The following IKBKB variants were observed in gnomAD, a reference collection of about 807,000 sequenced individuals.
IKBKB encodes the protein inhibitor of nuclear factor kappa B kinase subunit beta, also known as inhibitor of nuclear factor kappa-B kinase subunit beta.
Under a neutral mutation model 113.6 loss-of-function variants are expected in IKBKB, and 42 were observed. That is an observed-to-expected ratio of 0.37 (90% CI 0.29 to 0.48). IKBKB has a LOEUF of 0.48. IKBKB is among the 20% of genes least tolerant of loss of function. The pLI, the probability that IKBKB is intolerant of heterozygous loss-of-function variation, is 0.99. For synonymous variants in IKBKB, 296 were observed against 361.3 expected (o/e 0.82, Z 2.05); for missense variants, 673 against 939.7 (o/e 0.72, Z 3.71).
chr8:42,322,438 G>A lies in IKBKB; in HGVS notation c.1930G>A (p.Val644Ile), dbSNP rs764317881. Reference protein sequence around the residue: ...SLMNEDEKTVVRLQEKRQKEL... With the variant: ...SLMNEDEKTVIRLQEKRQKEL... Reference sequence around the variant, plus strand: ...AATGAATGAGGATGAGAAGACTGTTGTCCGGCTGCAGGAGAAGCGGCAGAA... The same window carrying A: ...AATGAATGAGGATGAGAAGACTGTTATCCGGCTGCAGGAGAAGCGGCAGAA... Residue 644 changes from valine (V) to isoleucine (I), a missense_variant, in exon 19 of 22, where the codon GTC becomes ATC. Val to Ile is a conservative substitution (Grantham distance 29). Coordinates refer to ENST00000520810, the MANE Select transcript of IKBKB (RefSeq NM_001556.3). 1.9e-6 allele frequency: 3 copies of A among 1,614,036 alleles called. No homozygotes were observed. The Admixed American group carries it at 5.0e-5, about 27-fold the overall frequency.
intron 4 of IKBKB, among the ~76,000 whole-genome samples, chr8:42,291,335 C>G (rs1227683896): frequency 6.6e-6 from 1 of 152,132 alleles, no homozygotes; most frequent in African/African-American, 2.4e-5. Context: ...GCGCCCGCCC[C>G]CACGCCTGGC....
In IKBKB at chr8:42,308,942, C is replaced by A; in HGVS notation, c.609C>A (p.Val203=). The A allele has an allele frequency of 6.2e-7, 1 of 1,614,104 alleles. No homozygotes were observed. The highest frequency in any genetic ancestry group is 8.5e-7 in the Non-Finnish European group (1 of 1,179,954). The part of the protein sequence containing the change: ...LLEQQKYTVT[V]DYWSFGTLAF... ...AGCAGCAGAAGTACACAGTGACCGT[C>A]GACTACTGGAGCTTCGGCACCCTGG... The change falls in exon 8 of 22, where the codon GTC becomes GTA. Residue 203 remains valine, a synonymous_variant. Transcript: ENST00000520810.
chr8:42,323,239 T>G (rs1233172662), intron 19 of IKBKB, among the ~76,000 whole-genome samples: 1 of 152,244 alleles, frequency 6.6e-6, no homozygotes, highest in African/African-American at 2.4e-5. Context: ...CTCCAGGAGT[T>G]GGGATGTGGG....
Position 42,318,734 on chromosome 8 carries a change from G to C in IKBKB, c.1364+59G>C, listed in dbSNP as rs2272735. Reference sequence around the variant, plus strand: ...TATTTAAAATTCCTTGGTGGCTTTGGCCACAGGGAGGTGGTTGAGGCAGGG... The same window carrying C: ...TATTTAAAATTCCTTGGTGGCTTTGCCCACAGGGAGGTGGTTGAGGCAGGG... On this transcript the variant is annotated intron_variant, in intron 13 of 21. Transcript: ENST00000520810. 14 of 1,504,602 alleles carry C rather than the reference G, an allele frequency of 9.3e-6. No individual in the cohort carries two copies. The East Asian group carries it at 3.4e-4, about 36-fold the overall frequency. 93.2% of individuals were successfully genotyped at this position (1,504,602 alleles called of 1,614,324 possible).
chr8:42,311,289 G>A (rs968286938), intron 8 of IKBKB, among the ~76,000 whole-genome samples: 2 of 152,152 alleles, frequency 1.3e-5, no homozygotes, highest in South Asian at 2.1e-4. Context: ...TGGGCCAGGC[G>A]TGGTGGCTCA....
intron 5 of IKBKB, among the ~76,000 whole-genome samples, chr8:42,303,148 GAGAGAGAGAAT>G (rs1815763976): frequency 8.0e-6 from 1 of 125,388 alleles, no homozygotes; most frequent in Non-Finnish European, 1.9e-5. Context: ...GAGAGAGAAT[GAGAGAGAGAAT>G]GAGAGAGAAA....
rs1332380881 is a variant in IKBKB, at chr8:42,318,662, C to G, written c.1351C>G (p.Gln451Glu). 2 of 1,612,776 alleles carry G rather than the reference C, an allele frequency of 1.2e-6. No individual in the cohort carries two copies. The highest frequency in any genetic ancestry group is 4.5e-5 in the East Asian group (2 of 44,854). The change falls in exon 13 of 22, where the codon CAG (glutamine) becomes GAG (glutamate). Residue 451 changes from glutamine (Q) to glutamate (E), a missense_variant. Coordinates refer to ENST00000520810, the MANE Select transcript of IKBKB (RefSeq NM_001556.3). ...AGATTGCAACCGGCTGCAGCAGGGA[C>G]AGCGAGCCGCCATGTAGCGTGCCAG... Reference protein sequence around the residue: ...KEDCNRLQQGQRAAMMNLLRN... With the variant: ...KEDCNRLQQGERAAMMNLLRN...
intron 1 of IKBKB, 199 bp from the exon 2 acceptor site, chr8:42,271,884 G>T (rs1585483528): frequency 1.7e-6 from 1 of 595,534 alleles, no homozygotes; most frequent in Non-Finnish European, 2.9e-6. Flanking sequence ...GCAACCGGAT[G>T]GGGGAGGGTG....
chr8:42,293,783 T>C (rs1315621545), intron 5 of IKBKB, among the ~76,000 whole-genome samples: 1 of 152,198 alleles, frequency 6.6e-6, no homozygotes, highest in Non-Finnish European at 1.5e-5. Context: ...CCTTTCCCAT[T>C]ATAAAGCTCC....
intron 2 of IKBKB, among the ~76,000 whole-genome samples, chr8:42,278,129 G>A (rs533238760): frequency 1.5e-4 from 23 of 152,170 alleles, no homozygotes; most frequent in African/African-American, 5.1e-4. Context: ...TTGAACTGAG[G>A]CCCTAGTAGA....
intron 5 of IKBKB, among the ~76,000 whole-genome samples, chr8:42,303,675 T>G (rs1432090484): frequency 1.3e-5 from 2 of 152,076 alleles, no homozygotes; most frequent in Non-Finnish European, 2.9e-5. Context: ...CAGCTAATTT[T>G]TTTGTATTTT....
intron 8 of IKBKB, among the ~76,000 whole-genome samples, chr8:42,312,415 G>C (rs959291043): frequency 2.6e-5 from 4 of 152,180 alleles, no homozygotes; most frequent in African/African-American, 9.7e-5. Context: ...GTTTCAAGTA[G>C]ATTTCTCTGA....
At chr8:42,275,032 A>G (rs945848487) in intron 2 of IKBKB, among the ~76,000 whole-genome samples, 8 of 150,968 alleles carry the variant, frequency 5.3e-5, no homozygotes, top group African/African-American at 1.7e-4. Flanking sequence ...GTGCACCACC[A>G]CGCCTGGCTA....
At chr8:42,289,019 A>G (rs1203477379) in intron 3 of IKBKB, among the ~76,000 whole-genome samples, 1 of 151,992 alleles carries the variant, frequency 6.6e-6, no homozygotes, top group Non-Finnish European at 1.5e-5. Context: ...CTCTGCTGGG[A>G]TTACTCCAAT....
Position 42,316,490 on chromosome 8 carries a change from C to A in IKBKB, c.930+151C>A. ...TCTTTCTGCATAAGTAAAGAAAGGA[C>A]AGTTGTGCTAATTGACATTGGCTAT... On this transcript the variant is annotated intron_variant, in intron 10 of 21. Coordinates refer to ENST00000520810, the MANE Select transcript of IKBKB (RefSeq NM_001556.3). This position sits in a 1 kb window ranked among gnomAD's most constrained non-coding sequence, Gnocchi z 4.5. The A allele has an allele frequency of 2.0e-6, 2 of 1,021,958 alleles. No homozygotes were observed. The highest frequency in any genetic ancestry group is 1.7e-5 in the South Asian group (1 of 60,036). The allele number at this position is 1,021,958 out of a possible 1,614,324, so 63.3% of individuals were successfully genotyped here. A position where few individuals can be genotyped will look rare whatever the true frequency, so the allele number is the denominator to read the frequency against.
Position 42,284,156 on chromosome 8 carries a change from A to C in IKBKB, c.106-4478A>C, listed in dbSNP as rs112080257. Among the ~76,000 whole-genome samples the C allele has an allele frequency of 4.4e-4, 67 of 152,338 alleles. 2 individuals carry two copies. Among genetic ancestry groups the C allele is most frequent in the African/African-American group, 1.4e-3 (60 of 41,574 alleles). ...TTTATTTCTCATAGTCCTAGAGGCT[A>C]TGAAGTCCAAGGTCAAGGCATCATC... On this transcript the variant is annotated intron_variant, in intron 2 of 21. Coordinates refer to ENST00000520810, the MANE Select transcript of IKBKB (RefSeq NM_001556.3).
At chr8:42,274,117 G>A (rs1368944802) in intron 2 of IKBKB, among the ~76,000 whole-genome samples, 4 of 151,602 alleles carry the variant, frequency 2.6e-5, no homozygotes, top group Non-Finnish European at 4.4e-5. Flanking sequence ...TGCAACCTCC[G>A]CCTCTTGAGT....
intron 2 of IKBKB, among the ~76,000 whole-genome samples, chr8:42,274,941 A>G (rs879634863): frequency 9.9e-5 from 15 of 151,764 alleles, no homozygotes; most frequent in Non-Finnish European, 2.2e-4. Flanking sequence ...CAGTGGCACA[A>G]TCTTGGCTCG....
intron 9 of IKBKB, among the ~76,000 whole-genome samples, chr8:42,315,252 A>C (rs1818446031): frequency 6.6e-6 from 1 of 152,206 alleles, no homozygotes; most frequent in East Asian, 1.9e-4. Flanking sequence ...AGTCACACAT[A>C]ATTGAGTGAC....
Sources: gnomAD v4.1 joint callset for allele counts (sites outside exome capture counted in the v4.1 genomes callset) on GRCh38, gnomAD v4.1.1 for gene constraint, Gnocchi (gnomAD v3.1) non-coding constraint, MANE v1.5 for transcripts, NCBI Gene and HGNC (gene_info 2026-07-23, HGNC 2026-07-21) for gene names.